Variants in THADA observed in about 807,000 individuals in gnomAD.
THADA encodes tRNA (32-2'-O)-methyltransferase regulator THADA.
In THADA, 213 loss-of-function variants were observed where a neutral mutation model predicts 219.8. That is an observed-to-expected ratio of 0.97 (90% CI 0.87 to 1.09). THADA has a LOEUF of 1.09. THADA is among the 50% of genes least tolerant of loss of function. The pLI, the probability that THADA is intolerant of heterozygous loss-of-function variation, is 0.00. For synonymous variants in THADA, 1,018 were observed against 828.9 expected, an observed-to-expected ratio of 1.23 and a Z score of -3.92; for missense variants, 2,956 against 2,311.3, an observed-to-expected ratio of 1.28 and a Z score of -5.72.
chr2:43,236,442 G>A (rs944810352), intron 36 of THADA, among the ~76,000 whole-genome samples: 1 of 152,184 alleles, frequency 6.6e-6, no homozygotes, highest in Non-Finnish European at 1.5e-5. Flanking sequence ...CTTATGAAGG[G>A]AGGCTGGAGT....
chr2:43,537,254 G>T (rs965222687), intron 21 of THADA, among the ~76,000 whole-genome samples: 1 of 152,156 alleles, frequency 6.6e-6, no homozygotes, highest in African/African-American at 2.4e-5. Context: ...TTAACCATGG[G>T]CAATATTAAC....
At chr2:43,585,189 A>C (rs1191070705) in intron 7 of THADA, among the ~76,000 whole-genome samples, 1 of 152,034 alleles carries the variant, frequency 6.6e-6, no homozygotes, top group Non-Finnish European at 1.5e-5. Context: ...CAGACATTCA[A>C]ATCAATCCTT....
intron 26 of THADA, among the ~76,000 whole-genome samples, chr2:43,451,863 TCGGGAGGCTGAGG>T (rs1682380891): frequency 6.6e-6 from 1 of 152,182 alleles, no homozygotes; most frequent in Non-Finnish European, 1.5e-5. Context: ...TCCCAGCACT[TCGGGAGGCTGAGG>T]CAGGTCAATC....
At chr2:43,501,530 A>G (rs1688974806) in intron 24 of THADA, among the ~76,000 whole-genome samples, 2 of 152,148 alleles carry the variant, frequency 1.3e-5, no homozygotes, top group Admixed American at 1.3e-4. Context: ...AGCTAATTCT[A>G]AAATTTTTAT....
At chr2:43,304,830 C>A (rs1175142692) in intron 31 of THADA, among the ~76,000 whole-genome samples, 1 of 152,092 alleles carries the variant, frequency 6.6e-6, no homozygotes, top group East Asian at 1.9e-4. Context: ...AGCCATCAAG[C>A]CTGGCTAATT....
At chr2:43,529,731 T>C (rs189222546) in intron 21 of THADA, among the ~76,000 whole-genome samples, 70 of 152,324 alleles carry the variant, frequency 4.6e-4, no homozygotes, top group African/African-American at 1.5e-3. Context: ...AAAAGACAAG[T>C]TGTCCCAAGA....
Position 43,485,162 on chromosome 2 carries a change from C to T in THADA, c.3836+72G>A, listed in dbSNP as rs1003360867. 1.9e-4 allele frequency: 232 copies of T among 1,190,274 alleles called. 1 individual carries two copies. The highest frequency in any genetic ancestry group is 2.7e-4 in the Non-Finnish European group (219 of 814,010). The allele number at this position is 1,190,274 out of a possible 1,614,324, so 73.7% of individuals were successfully genotyped here. Reference sequence around the variant, plus strand: ...GAATCTATAACAGTAGGCACAATTTCAAAATTTGTTTTTGGCCAGGACAAT... The same window carrying T: ...GAATCTATAACAGTAGGCACAATTTTAAAATTTGTTTTTGGCCAGGACAAT... On this transcript the variant is annotated intron_variant, in intron 26 of 37. Transcript: ENST00000405975.
chr2:43,500,457 G>A (rs982189893), intron 24 of THADA, among the ~76,000 whole-genome samples: 1 of 152,104 alleles, frequency 6.6e-6, no homozygotes, highest in Non-Finnish European at 1.5e-5. Context: ...AGCACAAAAA[G>A]GAAAACCACA....
At chr2:43,562,930 T>A (rs1395529894) in intron 15 of THADA, 7 of 152,246 alleles carry the variant, frequency 4.6e-5, no homozygotes, top group African/African-American at 1.7e-4. Flanking sequence ...CTACTTTCAT[T>A]TCTGATTTTA....
At chr2:43,234,806 C>T (rs368935634) in intron 36 of THADA, among the ~76,000 whole-genome samples, 3 of 151,718 alleles carry the variant, frequency 2.0e-5, no homozygotes, top group African/African-American at 4.8e-5. Flanking sequence ...GCATGTGCCA[C>T]CACACCCAGA....
At chr2:43,413,692 G>A (rs180826802) in intron 28 of THADA, among the ~76,000 whole-genome samples, 288 of 152,278 alleles carry the variant, frequency 1.9e-3, no homozygotes, top group African/African-American at 6.8e-3. Flanking sequence ...GACAGAAAGG[G>A]CTCTTTTCCA....
intron 7 of THADA, among the ~76,000 whole-genome samples, chr2:43,583,958 T>C (rs1574370461): frequency 6.7e-6 from 1 of 149,602 alleles, no homozygotes; most frequent in Non-Finnish European, 1.5e-5. Flanking sequence ...AAGGATCACT[T>C]GGGCTTGGGA....
intron 21 of THADA, among the ~76,000 whole-genome samples, chr2:43,532,337 C>A (rs930392434): frequency 2.7e-5 from 4 of 146,238 alleles, no homozygotes; most frequent in Non-Finnish European, 6.0e-5. Flanking sequence ...CGTTTGAACC[C>A]GGGAGGCAGA....
chr2:43,440,329 A>C (rs1284145901), intron 26 of THADA, among the ~76,000 whole-genome samples: 3 of 152,162 alleles, frequency 2.0e-5, no homozygotes, highest in Admixed American at 1.3e-4. Flanking sequence ...ACTGTAATTT[A>C]CTTAATCCCT....
rs746253931 is a variant in THADA at position 43,292,943 on chromosome 2, G to A, written c.4709C>T (p.Ala1570Val). Residue 1570 changes from alanine to valine, a missense_variant, in exon 32 of 38, where the codon GCA becomes GTA. Physicochemically the swap from Ala to Val is moderately conservative, Grantham distance 64. Transcript: ENST00000405975. ...CTTCTCTCCAAGTCCAGAGGCTGCT[G>A]CTAAGAACTTTTCCAAGAGGGCTTC... ...TLEALLEKFL[A>V]AASGLGEKGV... The A allele has an allele frequency of 2.5e-6, 4 of 1,614,024 alleles. No individual in the cohort carries two copies. The East Asian group carries it at 8.9e-5, about 36-fold the overall frequency.
chr2:43,415,178 G>T (rs888445781), intron 28 of THADA, among the ~76,000 whole-genome samples: 1 of 152,310 alleles, frequency 6.6e-6, no homozygotes, highest in Middle Eastern at 3.4e-3. Context: ...AGTAATTTAT[G>T]TTTCATTGAG....
At chr2:43,254,900 G>C (rs1372748456) in intron 36 of THADA, among the ~76,000 whole-genome samples, 1 of 152,238 alleles carries the variant, frequency 6.6e-6, no homozygotes, top group East Asian at 1.9e-4. Flanking sequence ...CTTGTCTCCT[G>C]CACTCTTTGG....
intron 4 of THADA, among the ~76,000 whole-genome samples, chr2:43,589,131 C>T (rs1701294036): frequency 6.6e-6 from 1 of 152,056 alleles, no homozygotes. Context: ...GGGTATATAT[C>T]CAAAGAACTG....
rs775500895 is a variant in THADA, at chr2:43,508,681, T to C, written c.3474A>G (p.Thr1158=). The change falls in exon 23 of 38, where the codon ACA becomes ACG. Residue 1158 remains threonine (T), a synonymous_variant. Coordinates refer to ENST00000405975, the MANE Select transcript of THADA (RefSeq NM_022065.5). ...CSDPSSKLCA[T]RRSAGIPFYI... ...AGAAAGGAATTCCAGCACTGCGCCTTGTAGCACAGAGTTTAGATGAAGGAT... is the reference window on the plus strand; with the variant it reads ...AGAAAGGAATTCCAGCACTGCGCCTCGTAGCACAGAGTTTAGATGAAGGAT... 1.9e-6 allele frequency: 3 copies of C among 1,613,714 alleles called. No individual in the cohort carries two copies. The highest frequency in any genetic ancestry group is 4.5e-5 in the East Asian group (2 of 44,880).
Sources: gnomAD v4.1 joint callset for allele counts (sites outside exome capture counted in the v4.1 genomes callset) on GRCh38, gnomAD v4.1.1 for gene constraint, MANE v1.5 for transcripts, NCBI Gene and HGNC (gene_info 2026-07-23, HGNC 2026-07-21) for gene names.